The following KAZN variants were observed in gnomAD, a reference collection of about 807,000 sequenced individuals.
The protein encoded by KAZN is kazrin.
KAZN carries 40 observed loss-of-function variants against 87.4 expected under a neutral mutation model. The ratio of observed to expected loss-of-function variants is 0.46; its 90% confidence interval spans 0.36 to 0.60. KAZN has a LOEUF of 0.60. Ranked by LOEUF, KAZN falls within the 20% of genes least tolerant of loss-of-function variation. The probability of loss-of-function intolerance (pLI) is 0.00; values close to 1 mark genes in which losing one functional copy is unlikely to be tolerated. For synonymous variants in KAZN, 466 were observed against 458.3 expected (o/e 1.02, Z -0.22); for missense variants, 898 against 1,073.9 (o/e 0.84, Z 2.29).
chr1:14,056,319 G>C (rs61777745), intron 1 of KAZN, among the ~76,000 whole-genome samples: 1 of 152,108 alleles, frequency 6.6e-6, no homozygotes, highest in Non-Finnish European at 1.5e-5. Flanking sequence ...TAATCACAAG[G>C]GTTCTTCCAT....
intron 2 of KAZN, among the ~76,000 whole-genome samples, chr1:14,277,996 C>G (rs1269136807): frequency 6.6e-6 from 1 of 151,696 alleles, no homozygotes; most frequent in East Asian, 2.0e-4. Flanking sequence ...GGCAGTTGCT[C>G]CCAAACCTGA....
chr1:15,034,225 C>T (rs938255), intron 2 of KAZN, among the ~76,000 whole-genome samples: 127,455 of 152,250 alleles, frequency 0.84, 53,940 homozygotes, highest in African/African-American at 0.95. Flanking sequence ...GAATTCCGAT[C>T]TATCTGTATT....
intron 2 of KAZN, among the ~76,000 whole-genome samples, chr1:14,302,683 A>G (rs894972443): frequency 2.0e-5 from 3 of 152,174 alleles, no homozygotes; most frequent in Non-Finnish European, 2.9e-5. Flanking sequence ...CAGAGGTTTT[A>G]TCATATTTTC....
chr1:14,473,637 CAA>C (rs57752492), intron 2 of KAZN, among the ~76,000 whole-genome samples: 6 of 81,168 alleles, frequency 7.4e-5, no homozygotes, highest in Non-Finnish European at 1.0e-4. Context: ...GACTCTGTCT[CAA>C]AAAAAAAAAA....
At chr1:13,917,799 A>G (rs968560490) in intron 1 of KAZN, among the ~76,000 whole-genome samples, 1 of 78,994 alleles carries the variant, frequency 1.3e-5, no homozygotes, top group Non-Finnish European at 3.2e-5. Context: ...TGTGTCATCA[A>G]AAAAAAAAAA....
chr1:14,691,483 C>CT (rs1641304877), intron 1 of KAZN, among the ~76,000 whole-genome samples: 1 of 151,988 alleles, frequency 6.6e-6, no homozygotes, highest in African/African-American at 2.4e-5. Context: ...TTGTCTTCAT[C>CT]TTTTTTTGTT....
chr1:13,943,769 T>G (rs1039615617), intron 1 of KAZN, among the ~76,000 whole-genome samples: 2 of 152,188 alleles, frequency 1.3e-5, no homozygotes, highest in East Asian at 3.9e-4. Flanking sequence ...AAATGGCTAA[T>G]AAGCCCATGA....
chr1:14,837,478 C>T (rs1357846963), intron 1 of KAZN, among the ~76,000 whole-genome samples: 3 of 151,866 alleles, frequency 2.0e-5, no homozygotes, highest in Non-Finnish European at 4.4e-5. Flanking sequence ...GGATTTTAGG[C>T]GTGAGCCACT....
At chr1:14,585,494 G>A (rs186816895) in intron 2 of KAZN, among the ~76,000 whole-genome samples, 7 of 152,156 alleles carry the variant, frequency 4.6e-5, no homozygotes, top group Admixed American at 6.5e-5. Flanking sequence ...CTTGGGGCAC[G>A]TTCTTCCCAC....
intron 1 of KAZN, among the ~76,000 whole-genome samples, chr1:14,952,811 C>G (rs1380529895): frequency 1.3e-5 from 2 of 152,180 alleles, no homozygotes; most frequent in Non-Finnish European, 2.9e-5. Flanking sequence ...TCCGGAAGAT[C>G]AAGGAGGTTT....
chr1:14,186,083 G>A (rs1037303981), intron 2 of KAZN, among the ~76,000 whole-genome samples: 4 of 152,148 alleles, frequency 2.6e-5, no homozygotes, highest in African/African-American at 9.7e-5. Flanking sequence ...CCATAGATCT[G>A]TATAGTGCCA....
At chr1:14,220,856 G>T (rs1173224937) in intron 2 of KAZN, among the ~76,000 whole-genome samples, 1 of 152,070 alleles carries the variant, frequency 6.6e-6, no homozygotes. Context: ...TGAGGAAATG[G>T]CCTTAATTTA....
At chr1:14,055,835 G>A (rs1570629792) in intron 1 of KAZN, among the ~76,000 whole-genome samples, 1 of 152,174 alleles carries the variant, frequency 6.6e-6, no homozygotes, top group Admixed American at 6.5e-5. Flanking sequence ...CCTCCCGGAT[G>A]TGTTCTGGAC....
At chr1:15,067,596 A>G (rs371083730) in intron 8 of KAZN, 4 of 985,388 alleles carry the variant, frequency 4.1e-6, no homozygotes. Context: ...GCTCTTAAAA[A>G]GAAGCAAGGA....
At chr1:14,905,179 C>T (rs890119219) in intron 1 of KAZN, among the ~76,000 whole-genome samples, 1 of 152,178 alleles carries the variant, frequency 6.6e-6, no homozygotes, top group African/African-American at 2.4e-5. Flanking sequence ...CTGTCTCAGC[C>T]TCCTGAGTAG....
At chr1:14,310,434 G>C (rs954636780) in intron 2 of KAZN, among the ~76,000 whole-genome samples, 1 of 152,148 alleles carries the variant, frequency 6.6e-6, no homozygotes, top group African/African-American at 2.4e-5. Flanking sequence ...ACCCATTCTT[G>C]TACTCAATGA....
At chr1:14,883,275 A>G (rs191334392) in intron 1 of KAZN, among the ~76,000 whole-genome samples, 2 of 146,394 alleles carry the variant, frequency 1.4e-5, no homozygotes, top group Non-Finnish European at 3.0e-5. Context: ...AGCCTGGGCA[A>G]GAAAAGCGAA....
chr1:14,312,179 C>G (rs1213175550), intron 2 of KAZN, among the ~76,000 whole-genome samples: 2 of 152,150 alleles, frequency 1.3e-5, no homozygotes, highest in African/African-American at 2.4e-5. Context: ...CCAGCAGACT[C>G]AGGTTCAAAT....
chr1:14,558,568 A>G (rs1674057525), intron 2 of KAZN, among the ~76,000 whole-genome samples: 2 of 152,092 alleles, frequency 1.3e-5, no homozygotes, highest in Admixed American at 1.3e-4. Context: ...ACATAGAGTC[A>G]TGTTCTGTTT....
Sources: allele counts gnomAD v4.1 joint callset (sites outside exome capture counted in the v4.1 genomes callset), GRCh38; gene constraint gnomAD v4.1.1; transcripts MANE v1.5; gene names NCBI Gene and HGNC (gene_info 2026-07-23, HGNC 2026-07-21).